Variants in KXD1 observed in about 807,000 individuals in gnomAD.
KXD1 encodes the protein KxDL motif containing 1, also known as kxDL motif-containing protein 1.
KXD1 carries 5 observed loss-of-function variants against 12.1 expected under a neutral mutation model. That is an observed-to-expected ratio of 0.41 (90% confidence interval 0.22 to 0.87). The LOEUF (loss-of-function observed/expected upper bound fraction) is 0.87, where lower values mean the gene tolerates loss of function less well. KXD1 is among the 40% of genes least tolerant of loss of function. The pLI, the probability that KXD1 is intolerant of heterozygous loss-of-function variation, is 0.31. For synonymous variants in KXD1, 98 were observed against 100.5 expected (o/e 0.98, Z 0.15); for missense variants, 193 against 244.9 (o/e 0.79, Z 1.41).
chr19:18,566,934 G>A lies in KXD1; in HGVS notation c.255-198G>A, dbSNP rs571049733. 1.5e-4 allele frequency among the ~76,000 whole-genome samples: 23 copies of A among 152,348 alleles called. 1 individual carries two copies. The highest frequency in any genetic ancestry group is 5.9e-4 in the Admixed American group (9 of 15,296). Reference sequence around the variant, plus strand: ...GGTGCCTACCTTGGGGCTGGAGGCCGGCTGGTGGGCGACTGTCAGGGCCGT... The same window carrying A: ...GGTGCCTACCTTGGGGCTGGAGGCCAGCTGGTGGGCGACTGTCAGGGCCGT... On this transcript the variant is annotated intron_variant, in intron 3 of 4. Transcript: ENST00000222307.
rs963219538 is a variant in KXD1 at position 18,565,267 on chromosome 19, T to G, written c.254+246T>G. ...TTTTTGGAGACGGAGTCTCGCTCTGTTGCCCAGGCTGGAGTGCAGTGGCGC... is the reference window on the plus strand; with the variant it reads ...TTTTTGGAGACGGAGTCTCGCTCTGGTGCCCAGGCTGGAGTGCAGTGGCGC... On this transcript the variant is annotated intron_variant, in intron 3 of 4. Transcript: ENST00000222307. 23 of 1,158,782 alleles carry G rather than the reference T, an allele frequency of 2.0e-5. No homozygotes were observed. In the African/African-American group the frequency reaches 3.3e-4, roughly 17 times the overall value. The allele number at this position is 1,158,782 out of a possible 1,614,324, so 71.8% of individuals were successfully genotyped here.
chr19:18,565,272 C>A, intron 3 of KXD1: 1 of 1,104,398 alleles, frequency 9.1e-7, no homozygotes, highest in Non-Finnish European at 1.2e-6. Flanking sequence ...CTCTGTTGCC[C>A]AGGCTGGAGT....
chr19:18,560,948 A>T (rs1600561291), intron 1 of KXD1, among the ~76,000 whole-genome samples: 1 of 151,680 alleles, frequency 6.6e-6, no homozygotes, highest in African/African-American at 2.4e-5. Context: ...CTCGTGATCC[A>T]CCTGCCTCGC....
At chr19:18,567,666 T>G (rs1231683322) in intron 4 of KXD1, among the ~76,000 whole-genome samples, 1 of 152,158 alleles carries the variant, frequency 6.6e-6, no homozygotes, top group Non-Finnish European at 1.5e-5. Context: ...GCTAGAGAGC[T>G]CGCGTGTTCT....
Position 18,568,818 on chromosome 19 carries a change from T to C in KXD1, c.*187T>C. 1 of 594,840 alleles carries C rather than the reference T, an allele frequency of 1.7e-6. No individual in the cohort carries two copies. The highest frequency in any genetic ancestry group is 3.0e-6 in the Non-Finnish European group (1 of 334,236). The allele number at this position is 594,840 out of a possible 1,614,324, so 36.8% of individuals were successfully genotyped here. ...TGGGGGGGTCTTTAATTCTGGCTCC[T>C]TCCTTCCTCAGAACATCTCTATTCT... On this transcript the variant is annotated 3_prime_UTR_variant, in exon 5 of 5. Coordinates refer to ENST00000222307, the MANE Select transcript of KXD1 (RefSeq NM_024069.4).
intron 1 of KXD1, chr19:18,559,927 TTCTC>T (rs1032301495): frequency 4.0e-5 from 6 of 151,542 alleles, no homozygotes; most frequent in Non-Finnish European, 7.4e-5. Context: ...TCCTCTCTCT[TTCTC>T]TCTTTGTCTC....
intron 1 of KXD1, chr19:18,560,058 G>A (rs895094599): frequency 4.8e-5 from 7 of 145,908 alleles, no homozygotes; most frequent in Admixed American, 3.4e-4. Context: ...GGGCTGGAGT[G>A]TAGTGGCATG....
At chr19:18,567,477 G>T (rs535417652) in intron 4 of KXD1, among the ~76,000 whole-genome samples, 5 of 152,206 alleles carry the variant, frequency 3.3e-5, no homozygotes, top group African/African-American at 7.2e-5. Context: ...ACAGAGCACG[G>T]GCTCATGTGA....
intron 2 of KXD1, among the ~76,000 whole-genome samples, 177 bp downstream of exon 2, chr19:18,562,334 G>A (rs1235590231): frequency 6.6e-6 from 1 of 152,274 alleles, no homozygotes; most frequent in Non-Finnish European, 1.5e-5. Flanking sequence ...CTTGGCACAG[G>A]AAGCAGGGCT....
chr19:18,567,848 G>A (rs1975326958), intron 4 of KXD1, among the ~76,000 whole-genome samples: 1 of 152,238 alleles, frequency 6.6e-6, no homozygotes, highest in African/African-American at 2.4e-5. Context: ...AGGTAGTGCA[G>A]TGAGCCAGGT....
Position 18,567,123 on chromosome 19 carries a change from C to T in KXD1, c.255-9C>T, listed in dbSNP as rs371350010. The stretch of plus-strand genomic sequence containing the variant: ...AGGTTAAGCCCTGTGTGCCTTCTCT[C>T]CCCTGCAGGACGCTGAAAGGGAAAC... On this transcript the variant is annotated splice_polypyrimidine_tract_variant and intron_variant, in intron 3 of 4. Coordinates refer to ENST00000222307, the MANE Select transcript of KXD1 (RefSeq NM_024069.4). The T allele has an allele frequency of 8.7e-6, 14 of 1,613,798 alleles. No individual in the cohort carries two copies. In the African/African-American group the frequency reaches 1.5e-4, roughly 17 times the overall value.
chr19:18,560,007 T>G (rs1173630380), intron 1 of KXD1: 1 of 116,888 alleles, frequency 8.6e-6, no homozygotes, highest in Non-Finnish European at 1.7e-5. Context: ...CCTCCCTCCC[T>G]TCCTTCCTTC....
In KXD1 at chr19:18,567,178, C is replaced by T. The variant is rs544060947; in HGVS notation, c.301C>T (p.His101Tyr). 5.6e-6 allele frequency: 9 copies of T among 1,614,128 alleles called. No individual in the cohort carries two copies. The highest frequency in any genetic ancestry group is 2.2e-5 in the East Asian group (1 of 44,882). The change falls in exon 4 of 5, where the codon CAT becomes TAT. Residue 101 changes from histidine (H) to tyrosine (Y), a missense_variant and splice_region_variant. By Grantham distance (83) the His-to-Tyr change is moderately conservative (BLOSUM62 2). Transcript: ENST00000222307. Reference protein sequence around the residue: ...LARQHPEAFSHIPEASFLEEE... With the variant: ...LARQHPEAFSYIPEASFLEEE... ...CAGGCAGCACCCAGAGGCCTTCAGCCGTAAGTGTCACGCAGGGTTCCTGCT... is the reference window on the plus strand; with the variant it reads ...CAGGCAGCACCCAGAGGCCTTCAGCTGTAAGTGTCACGCAGGGTTCCTGCT...
rs566122808 is a variant in KXD1, at chr19:18,558,479, T to C, written c.-22+565T>C. Reference sequence around the variant, plus strand: ...ACAAGTGTTTGCCCGTAATATATTCTTAGAGGCCCCTGGGATGCTCTCAAA... The same window carrying C: ...ACAAGTGTTTGCCCGTAATATATTCCTAGAGGCCCCTGGGATGCTCTCAAA... On this transcript the variant is annotated intron_variant, in intron 1 of 4. Coordinates refer to ENST00000222307, the MANE Select transcript of KXD1 (RefSeq NM_024069.4). 2.6e-5 allele frequency: 4 copies of C among 152,096 alleles called. No homozygotes were observed. The South Asian group carries it at 8.3e-4, about 32-fold the overall frequency. The allele number at this position is 152,096 out of a possible 1,614,324, so 9.4% of individuals were successfully genotyped here. A position where few individuals can be genotyped will look rare whatever the true frequency, so the allele number is the denominator to read the frequency against.
chr19:18,559,879 CCTTT>C (rs960163801), intron 1 of KXD1: 16 of 151,446 alleles, frequency 1.1e-4, no homozygotes, highest in African/African-American at 2.4e-4. Flanking sequence ...CTTTCTCTTT[CCTTT>C]CTTTCTCTCT....
In KXD1 at chr19:18,569,016, C is replaced by G. The variant is rs1023824019; in HGVS notation, c.*385C>G. On this transcript the variant is annotated 3_prime_UTR_variant, in exon 5 of 5. Coordinates refer to ENST00000222307, the MANE Select transcript of KXD1 (RefSeq NM_024069.4). ...CACCGGTCAGGACCTCCTTGAGGTG[C>G]ACAAGCACGGTCTCCTCTGAGTTCA... The G allele has an allele frequency of 6.5e-5, 16 of 247,774 alleles. No individual in the cohort carries two copies. The highest frequency in any genetic ancestry group is 3.6e-4 in the African/African-American group (16 of 44,866). 15.3% of individuals were successfully genotyped at this position (247,774 alleles called of 1,614,324 possible).
Position 18,564,849 on chromosome 19 carries a change from T to C in KXD1, c.102-20T>C. On this transcript the variant is annotated intron_variant, in intron 2 of 4. Coordinates refer to ENST00000222307, the MANE Select transcript of KXD1 (RefSeq NM_024069.4). ...CCCTGAAGCTGGGCAGTGAAGCTCA[T>C]GCCCTCTCTCCACCATCAGGCTGGA... 6.2e-7 allele frequency: 1 copy of C among 1,612,930 alleles called. No homozygotes were observed. The highest frequency in any genetic ancestry group is 1.1e-5 in the South Asian group (1 of 91,076).
chr19:18,563,255 C>T (rs1181978107), intron 2 of KXD1, among the ~76,000 whole-genome samples: 1 of 151,844 alleles, frequency 6.6e-6, no homozygotes, highest in African/African-American at 2.4e-5. Flanking sequence ...TCTCAGCTGT[C>T]ACGACACAGT....
chr19:18,560,037 C>T (rs1183686899), intron 1 of KXD1: 1 of 135,348 alleles, frequency 7.4e-6, no homozygotes, highest in African/African-American at 2.8e-5. Flanking sequence ...TGGAGTCTCA[C>T]TCTGTCGCCC....
Sources: gnomAD v4.1 joint callset for allele counts (sites outside exome capture counted in the v4.1 genomes callset) on GRCh38, gnomAD v4.1.1 for gene constraint, MANE v1.5 for transcripts, NCBI Gene and HGNC (gene_info 2026-07-23, HGNC 2026-07-21) for gene names.